The following IGF2BP1 variants were observed in gnomAD, a reference collection of about 807,000 sequenced individuals.
The protein encoded by IGF2BP1 is insulin-like growth factor 2 mRNA-binding protein 1.
Under a neutral mutation model 74.9 loss-of-function variants are expected in IGF2BP1, and 11 were observed. The observed-to-expected ratio is 0.15, with a 90% CI of 0.09 to 0.24. IGF2BP1 has a LOEUF of 0.24. Ranked by LOEUF, IGF2BP1 falls within the 10% of genes least tolerant of loss-of-function variation. The pLI, the probability that IGF2BP1 is intolerant of heterozygous loss-of-function variation, is 1.00. For synonymous variants in IGF2BP1, 287 were observed against 281.8 expected, an observed-to-expected ratio of 1.02 and a Z score of -0.18; for missense variants, 440 against 757.4, an observed-to-expected ratio of 0.58 and a Z score of 4.92.
At chr17:49,032,094 C>G (rs896255732) in intron 5 of IGF2BP1, 121 bp downstream of exon 5, 1 of 807,790 alleles carries the variant, frequency 1.2e-6, no homozygotes, top group Non-Finnish European at 2.0e-6. Context: ...ATCCAGGGTT[C>G]TGATATTAGC....
chr17:49,010,756 G>A (rs1280011590), intron 2 of IGF2BP1, among the ~76,000 whole-genome samples: 1 of 152,118 alleles, frequency 6.6e-6, no homozygotes, highest in East Asian at 1.9e-4. Context: ...CCAAGTCTCT[G>A]CCCTCCAGCA....
In IGF2BP1 at chr17:48,997,874, C is replaced by T. The variant is rs779218009; in HGVS notation, c.129C>T (p.Asp43=). 44 of 1,614,078 alleles carry T rather than the reference C, an allele frequency of 2.7e-5. No individual in the cohort carries two copies. The South Asian group carries it at 3.6e-4, about 13-fold the overall frequency. Residue 43 remains aspartate, a synonymous_variant, in exon 1 of 15, where the codon GAC becomes GAT. Transcript: ENST00000290341. This position sits in a 1 kb window ranked among gnomAD's most constrained non-coding sequence, Gnocchi z 4.8. ...FLVKSGYAFV[D]CPDEHWAMKA... ...TCAAATCCGGCTACGCCTTCGTGGA[C>T]TGCCCGGACGAGCACTGGGCGATGA...
intron 2 of IGF2BP1, 22 bp from the exon 3 acceptor site, chr17:49,025,596 T>A: frequency 6.2e-7 from 1 of 1,610,704 alleles, no homozygotes; most frequent in Admixed American, 1.7e-5. Context: ...TTTCTTTAAC[T>A]CTGCTCCCCC....
intron 5 of IGF2BP1, among the ~76,000 whole-genome samples, chr17:49,033,253 A>G (rs2041945841): frequency 6.6e-6 from 1 of 152,034 alleles, no homozygotes; most frequent in East Asian, 1.9e-4. Flanking sequence ...GATTCAAGCA[A>G]TTCTTGTGCC....
In IGF2BP1 at chr17:49,044,340, A is replaced by C. The variant is rs569764030; in HGVS notation, c.1320+254A>C. 1.1e-4 allele frequency among the ~76,000 whole-genome samples: 17 copies of C among 152,262 alleles called. No homozygotes were observed. In the South Asian group the frequency reaches 3.5e-3, roughly 32 times the overall value. ...ATAGAAAGAGAACTTAGGTTCTAAC[A>C]CAAACTGATGGGTTCAAATCCAAGA... On this transcript the variant is annotated intron_variant, in intron 11 of 14. Coordinates refer to ENST00000290341, the MANE Select transcript of IGF2BP1 (RefSeq NM_006546.4).
rs772911879 is a variant in IGF2BP1 at position 49,049,467 on chromosome 17, A to C, written c.*23A>C. On this transcript the variant is annotated 3_prime_UTR_variant, in exon 15 of 15. Coordinates refer to ENST00000290341, the MANE Select transcript of IGF2BP1 (RefSeq NM_006546.4). ...TGACCAGCCCCTCCCTGTCCCTTCG[A>C]GTCCAGGACAACAACGGGCAGAAAT... 1.8e-5 allele frequency: 29 copies of C among 1,600,108 alleles called. No individual in the cohort carries two copies. The highest frequency in any genetic ancestry group is 2.3e-5 in the Non-Finnish European group (27 of 1,167,846).
At chr17:49,009,851 G>C (rs566494056) in intron 2 of IGF2BP1, among the ~76,000 whole-genome samples, 2 of 152,188 alleles carry the variant, frequency 1.3e-5, no homozygotes, top group African/African-American at 4.8e-5. Context: ...AGGCCGAGGT[G>C]GGTGGATCAC....
chr17:49,012,588 C>T (rs540128747), intron 2 of IGF2BP1: 1 of 152,266 alleles, frequency 6.6e-6, no homozygotes, highest in South Asian at 2.1e-4. Context: ...GGGTTCAAGC[C>T]ACGGGAAAAT....
Position 49,051,958 on chromosome 17 carries a change from T to C in IGF2BP1, c.*2514T>C, listed in dbSNP as rs557576428. The stretch of plus-strand genomic sequence containing the variant: ...CCCACCTCTGTCTCCCTGTCTTCTT[T>C]AGATCGGTCTGATTGATTTTAAAAG... On this transcript the variant is annotated 3_prime_UTR_variant, in exon 15 of 15. Coordinates refer to ENST00000290341, the MANE Select transcript of IGF2BP1 (RefSeq NM_006546.4). The C allele has an allele frequency of 5.3e-5, 8 of 152,302 alleles. No individual in the cohort carries two copies. The highest frequency in any genetic ancestry group is 8.8e-5 in the Non-Finnish European group (6 of 68,038). The allele number at this position is 152,302 out of a possible 1,614,324, so 9.4% of individuals were successfully genotyped here.
intron 2 of IGF2BP1, among the ~76,000 whole-genome samples, chr17:49,019,976 ATACACC>A (rs1264730521): frequency 0.039 from 2,871 of 73,054 alleles, 115 homozygotes; most frequent in Non-Finnish European, 0.05. Flanking sequence ...ACACACACAC[ATACACC>A]CACACATATA....
chr17:49,023,520 CTT>C (rs1024313177), intron 2 of IGF2BP1, among the ~76,000 whole-genome samples: 1 of 152,186 alleles, frequency 6.6e-6, no homozygotes, highest in Non-Finnish European at 1.5e-5. Context: ...AAGGTCAACA[CTT>C]TTACAACTAG....
rs1304735461 is a variant in IGF2BP1, at chr17:48,997,728, T to G, written c.-18T>G. ...TTCGGCCTTGCCCGGGACCGCGTCCTGCCCCGAGACCGCCACCATGAACAA... is the reference window on the plus strand; with the variant it reads ...TTCGGCCTTGCCCGGGACCGCGTCCGGCCCCGAGACCGCCACCATGAACAA... On this transcript the variant is annotated 5_prime_UTR_variant, in exon 1 of 15. Coordinates refer to ENST00000290341, the MANE Select transcript of IGF2BP1 (RefSeq NM_006546.4). The surrounding 1 kb of genome is among the most constrained non-coding windows in gnomAD (Gnocchi z 4.8). The G allele has an allele frequency of 6.2e-7, 1 of 1,609,922 alleles. No individual in the cohort carries two copies. The highest frequency in any genetic ancestry group is 1.3e-5 in the African/African-American group (1 of 74,874).
In IGF2BP1 at chr17:49,032,338, G is replaced by T. The variant is rs190673429; in HGVS notation, c.401+365G>T. ...TAGAGTCCTTTGCCGTGTTCATGGC[G>T]CCATCTAGTGATAATGAGGGGGAAC... is the stretch of plus-strand genomic sequence containing the variant. On this transcript the variant is annotated intron_variant, in intron 5 of 14. Coordinates refer to ENST00000290341, the MANE Select transcript of IGF2BP1 (RefSeq NM_006546.4). Among the ~76,000 whole-genome samples the T allele has an allele frequency of 2.4e-4, 36 of 152,192 alleles. No homozygotes were observed. In the East Asian group the frequency reaches 5.8e-3, roughly 25 times the overall value.
At chr17:49,022,008 A>AT (rs1367566109) in intron 2 of IGF2BP1, among the ~76,000 whole-genome samples, 2 of 152,330 alleles carry the variant, frequency 1.3e-5, no homozygotes, top group African/African-American at 4.8e-5. Flanking sequence ...GCCTCTTTCC[A>AT]TACTAGTCTG....
At chr17:49,035,400 TAA>T (rs1008251568) in intron 5 of IGF2BP1, among the ~76,000 whole-genome samples, 9 of 152,362 alleles carry the variant, frequency 5.9e-5, no homozygotes, top group African/African-American at 2.2e-4. Flanking sequence ...GACTAGGTTG[TAA>T]GTTTCCTGCT....
intron 2 of IGF2BP1, among the ~76,000 whole-genome samples, chr17:49,001,011 T>G (rs546040333): frequency 1.3e-5 from 2 of 152,240 alleles, no homozygotes; most frequent in East Asian, 3.9e-4. Flanking sequence ...CTGAAATAAT[T>G]TTTTTAGCCC....
At chr17:49,033,323 T>C (rs2041946526) in intron 5 of IGF2BP1, among the ~76,000 whole-genome samples, 1 of 151,570 alleles carries the variant, frequency 6.6e-6, no homozygotes, top group South Asian at 2.1e-4. Context: ...TGGCTAATTT[T>C]TTTTTTTAAT....
intron 10 of IGF2BP1, 109 bp downstream of exon 10, chr17:49,043,659 G>T: frequency 7.4e-7 from 1 of 1,351,732 alleles, no homozygotes; most frequent in East Asian, 2.4e-5. Flanking sequence ...TGCAGGGAGA[G>T]GGAAGGAAGG....
intron 2 of IGF2BP1, among the ~76,000 whole-genome samples, chr17:49,002,836 A>ATT (rs2041502842): frequency 1.3e-5 from 2 of 152,136 alleles, no homozygotes; most frequent in South Asian, 2.1e-4. Flanking sequence ...TAAACTTTGC[A>ATT]AATTCATAAA....
Sources: allele counts gnomAD v4.1 joint callset (sites outside exome capture counted in the v4.1 genomes callset), GRCh38; gene constraint gnomAD v4.1.1; non-coding constraint Gnocchi (gnomAD v3.1); transcripts MANE v1.5; gene names NCBI Gene and HGNC (gene_info 2026-07-23, HGNC 2026-07-21).